The following KANSL1 variants were observed in gnomAD, a reference collection of about 807,000 sequenced individuals.
The protein encoded by KANSL1 is KAT8 regulatory NSL complex subunit 1, also known as MLL1/MLL complex subunit KANSL1.
KANSL1 carries 22 observed loss-of-function variants against 103.6 expected under a neutral mutation model. The ratio of observed to expected loss-of-function variants is 0.21; its 90% CI spans 0.15 to 0.30. KANSL1 has a LOEUF of 0.30. Ranked by LOEUF, KANSL1 falls within the 10% of genes least tolerant of loss-of-function variation. KANSL1 has a pLI of 1.00. For missense variants in KANSL1, 1,337 were observed against 1,399.8 expected, an observed-to-expected ratio of 0.96 and a Z score of 0.72; for synonymous variants, 600 against 527.6, an observed-to-expected ratio of 1.14 and a Z score of -1.88.
intron 2 of KANSL1, among the ~76,000 whole-genome samples, chr17:46,103,884 C>A (rs1234122281): frequency 6.6e-6 from 1 of 152,114 alleles, no homozygotes; most frequent in African/African-American, 2.4e-5. Context: ...AAAAATTGGC[C>A]AGGCGTGGTG....
intron 1 of KANSL1, chr17:46,192,478 G>T (rs1213001580): frequency 6.5e-6 from 1 of 152,784 alleles, no homozygotes; most frequent in Non-Finnish European, 1.5e-5. Flanking sequence ...GTCAAGAGAA[G>T]TTCAAGGCGA....
In KANSL1 at chr17:46,067,765, CTGA is replaced by C. The variant is rs1287960916; in HGVS notation, c.1534-101_1534-99del. The C allele has an allele frequency of 3.9e-5, 26 of 669,494 alleles. No individual in the cohort carries two copies. The African/African-American group carries it at 4.2e-4, about 11-fold the overall frequency. 41.5% of individuals were successfully genotyped at this position (669,494 alleles called of 1,614,324 possible). A position where few individuals can be genotyped will look rare whatever the true frequency, so the allele number is the denominator to read the frequency against. ...CATTTGCACAAAGCACCTAAAACTTCTGATGATCAATTTGAAAAACACAACTTG... is the reference window on the plus strand; with the variant it reads ...CATTTGCACAAAGCACCTAAAACTTCTGATCAATTTGAAAAACACAACTTG... On this transcript the variant is annotated intron_variant, in intron 4 of 14. Transcript: ENST00000432791.
At position 46,176,691 on chromosome 17, in the gene KANSL1, T is replaced by TAA. The variant is rs56676109; in HGVS notation, c.-89-4461_-89-4460dup. Among the ~76,000 whole-genome samples the TAA allele has an allele frequency of 4.2e-4, 59 of 141,686 alleles. 2 individuals are homozygous for TAA. The highest frequency in any genetic ancestry group is 3.6e-3 in the Middle Eastern group (1 of 274). 93.0% of individuals were successfully genotyped at this position (141,686 alleles called of 152,430 possible). ...GGGCAACAAGAGCAAGACTCCATCT[T>TAA]AAAAAAAAAAAAAAAAATCCCATCT... On this transcript the variant is annotated intron_variant, in intron 1 of 14. Transcript: ENST00000432791.
At chr17:46,125,300 CTATT>C (rs1230387823) in intron 2 of KANSL1, among the ~76,000 whole-genome samples, 8 of 152,302 alleles carry the variant, frequency 5.3e-5, no homozygotes, top group Admixed American at 1.3e-4. Flanking sequence ...AGGTAGTCCA[CTATT>C]TATTATGACA....
intron 6 of KANSL1, 84 bp from the exon 7 acceptor site, chr17:46,050,788 G>C: frequency 8.1e-7 from 1 of 1,232,670 alleles, no homozygotes; most frequent in Non-Finnish European, 1.1e-6. Flanking sequence ...TTGTTATTGA[G>C]AAGTTAGCTC....
chr17:46,077,723 A>C (rs189533316), intron 4 of KANSL1, among the ~76,000 whole-genome samples: 221 of 151,936 alleles, frequency 1.5e-3, no homozygotes, highest in Non-Finnish European at 1.9e-3. Context: ...ACGCTTGGAT[A>C]ATTTTTGTAT....
At chr17:46,118,809 A>C (rs1567696009) in intron 2 of KANSL1, among the ~76,000 whole-genome samples, 1 of 152,208 alleles carries the variant, frequency 6.6e-6, no homozygotes, top group African/African-American at 2.4e-5. Context: ...GCTTCCCTCT[A>C]TCAGAGGTGG....
chr17:46,193,713 G>A (rs1201548059), upstream of KANSL1: 1 of 263,594 alleles, frequency 3.8e-6, no homozygotes, highest in Non-Finnish European at 8.0e-6. Context: ...TGCGGCAGGG[G>A]GAAGCCAGCC....
At chr17:46,031,922 T>G in intron 14 of KANSL1, 125 bp downstream of exon 14, 1 of 1,364,088 alleles carries the variant, frequency 7.3e-7, no homozygotes, top group Admixed American at 1.9e-5. Context: ...GAGATCAATT[T>G]AAGTGCAGCC....
chr17:46,185,224 A>G (rs1267611361), intron 1 of KANSL1, among the ~76,000 whole-genome samples: 1 of 152,220 alleles, frequency 6.6e-6, no homozygotes, highest in Non-Finnish European at 1.5e-5. Flanking sequence ...AACACACGTT[A>G]AGCAACCTGA....
intron 3 of KANSL1, chr17:46,092,724 G>C (rs1161277502): frequency 1.7e-5 from 2 of 119,448 alleles, no homozygotes; most frequent in African/African-American, 6.5e-5. Flanking sequence ...TTGGGGGGGG[G>C]GGGGGAGGGT....
chr17:46,094,556 T>G lies in KANSL1; in HGVS notation c.1431+4A>C, dbSNP rs762718902. 5 of 1,610,886 alleles carry G rather than the reference T, an allele frequency of 3.1e-6. No individual in the cohort carries two copies. Among genetic ancestry groups the G allele is most frequent in the Non-Finnish European group, 2.5e-6 (3 of 1,179,436 alleles). On this transcript the variant is annotated splice_donor_region_variant and intron_variant, in intron 3 of 14. Transcript: ENST00000432791. ...TTTAAAAACATCAGATACTTATCCC[T>G]TACCTTATTAGCACGTATCTGTTTG...
At chr17:46,040,216 T>C (rs1241455417) in intron 7 of KANSL1, 1 of 326,452 alleles carries the variant, frequency 3.1e-6, no homozygotes, top group African/African-American at 2.1e-5. Context: ...TTTAAAAACA[T>C]ATTTAAGCCT....
At chr17:46,176,857 A>G (rs2046544609) in intron 1 of KANSL1, among the ~76,000 whole-genome samples, 1 of 152,174 alleles carries the variant, frequency 6.6e-6, no homozygotes, top group African/African-American at 2.4e-5. Flanking sequence ...TTACTAAAAC[A>G]ATCATCTAAG....
At chr17:46,137,798 T>G (rs2044225681) in intron 2 of KANSL1, among the ~76,000 whole-genome samples, 1 of 145,752 alleles carries the variant, frequency 6.9e-6, no homozygotes, top group Non-Finnish European at 1.5e-5. Context: ...ACCCAGGAGG[T>G]GGAGCTTGCA....
At chr17:46,180,439 A>C (rs1369616515) in intron 1 of KANSL1, among the ~76,000 whole-genome samples, 1 of 152,244 alleles carries the variant, frequency 6.6e-6, no homozygotes, top group East Asian at 1.9e-4. Context: ...CAGAGGTTGC[A>C]GTGAGCCGAG....
Position 46,038,527 on chromosome 17 carries a change from C to A in KANSL1, c.2541+11G>T. 6.2e-7 allele frequency: 1 copy of A among 1,613,594 alleles called. No homozygotes were observed. The highest frequency in any genetic ancestry group is 8.5e-7 in the Non-Finnish European group (1 of 1,179,734). On this transcript the variant is annotated intron_variant, in intron 10 of 14. Transcript: ENST00000432791. ...GAGGGGGTGTCCGGCCAACCCCACA[C>A]AGGTACTTACCGATGTGCTGGCTGT...
intron 2 of KANSL1, among the ~76,000 whole-genome samples, chr17:46,100,444 C>CAAAAAAAAAAAAAAAAA (rs369274727): frequency 2.3e-5 from 2 of 88,264 alleles, no homozygotes; most frequent in Non-Finnish European, 4.7e-5. Context: ...TCCCTCTCCC[C>CAAAAAAAAAAAAAAAAA]AAAAAAAAAA....
intron 6 of KANSL1, among the ~76,000 whole-genome samples, chr17:46,064,067 A>C (rs2078281757): frequency 9.6e-6 from 1 of 104,464 alleles, no homozygotes; most frequent in African/African-American, 2.7e-5. Flanking sequence ...AAAAAAAAAA[A>C]AAAACAAAAA....
Sources: gnomAD v4.1 joint callset for allele counts (sites outside exome capture counted in the v4.1 genomes callset) on GRCh38, gnomAD v4.1.1 for gene constraint, MANE v1.5 for transcripts, NCBI Gene and HGNC (gene_info 2026-07-23, HGNC 2026-07-21) for gene names.